ANGPT1: variants seen among roughly 807,000 people sequenced by gnomAD.
The protein encoded by ANGPT1 is angiopoietin-1.
A neutral mutation model predicts 62.2 loss-of-function variants in ANGPT1; 17 were observed. The ratio of observed to expected loss-of-function variants is 0.27; its 90% CI spans 0.19 to 0.41. The LOEUF (loss-of-function observed/expected upper bound fraction) is 0.41. Ranked by LOEUF, ANGPT1 falls within the 10% of genes least tolerant of loss-of-function variation. The pLI, the probability that ANGPT1 is intolerant of heterozygous loss-of-function variation, is 1.00. For synonymous variants in ANGPT1, 199 were observed against 198.9 expected, an observed-to-expected ratio of 1.00 and a Z score of 0.00; for missense variants, 478 against 594.9, an observed-to-expected ratio of 0.80 and a Z score of 2.04.
At chr8:107,351,657 A>G (rs1815935872) in intron 1 of ANGPT1, among the ~76,000 whole-genome samples, 1 of 152,056 alleles carries the variant, frequency 6.6e-6, no homozygotes, top group Non-Finnish European at 1.5e-5. Context: ...GTTTCACTAT[A>G]GTGGAGACCA....
At chr8:107,426,008 C>T (rs149875386) in intron 1 of ANGPT1, among the ~76,000 whole-genome samples, 1 of 152,238 alleles carries the variant, frequency 6.6e-6, no homozygotes, top group Admixed American at 6.5e-5. Flanking sequence ...AAATGCACCA[C>T]CAGGTATAAA....
chr8:107,435,054 C>T (rs1461615568), intron 1 of ANGPT1, among the ~76,000 whole-genome samples: 2 of 151,948 alleles, frequency 1.3e-5, no homozygotes, highest in Non-Finnish European at 2.9e-5. Flanking sequence ...CCGTTTCCCT[C>T]ATGATGGGGG....
chr8:107,295,920 G>A (rs1413605969), intron 5 of ANGPT1, among the ~76,000 whole-genome samples: 1 of 152,050 alleles, frequency 6.6e-6, no homozygotes, highest in Admixed American at 6.6e-5. Context: ...GTCCTAGTAG[G>A]ATGTAGGTAT....
intron 1 of ANGPT1, among the ~76,000 whole-genome samples, chr8:107,469,802 C>G (rs147171808): frequency 6.6e-6 from 1 of 151,976 alleles, no homozygotes; most frequent in Non-Finnish European, 1.5e-5. Context: ...TAAAATTGTA[C>G]TTCATAAGCT....
intron 3 of ANGPT1, among the ~76,000 whole-genome samples, chr8:107,330,847 T>C (rs943920403): frequency 6.6e-6 from 1 of 152,134 alleles, no homozygotes; most frequent in African/African-American, 2.4e-5. Context: ...CAGAATTGTA[T>C]TTCATGCCAA....
At chr8:107,285,619 A>C (rs535802866) in intron 6 of ANGPT1, among the ~76,000 whole-genome samples, 257 of 152,184 alleles carry the variant, frequency 1.7e-3, no homozygotes, top group Non-Finnish European at 2.9e-3. Flanking sequence ...GGGGAAGTCA[A>C]GGTTGTTAAG....
intron 6 of ANGPT1, among the ~76,000 whole-genome samples, chr8:107,287,968 A>G (rs1814182647): frequency 6.6e-6 from 1 of 152,198 alleles, no homozygotes; most frequent in Non-Finnish European, 1.5e-5. Flanking sequence ...GTCATAATAC[A>G]CAGTAATTTT....
At chr8:107,455,087 A>T (rs1255415360) in intron 1 of ANGPT1, among the ~76,000 whole-genome samples, 1 of 152,012 alleles carries the variant, frequency 6.6e-6, no homozygotes, top group Non-Finnish European at 1.5e-5. Context: ...ATGCTACCTT[A>T]CTTTGCAGTC....
chr8:107,423,187 T>C (rs1299346860), intron 1 of ANGPT1, among the ~76,000 whole-genome samples: 1 of 152,200 alleles, frequency 6.6e-6, no homozygotes, highest in East Asian at 1.9e-4. Flanking sequence ...ACTGACAGAC[T>C]ATAAATCAAG....
rs578206503 is a variant in ANGPT1, at chr8:107,432,612, C to T, written c.297+64650G>A. Among the ~76,000 whole-genome samples, 22 of 149,080 alleles carry T rather than the reference C, an allele frequency of 1.5e-4. No homozygotes were observed. In the Admixed American group the frequency reaches 1.5e-3, roughly 10 times the overall value. On this transcript the variant is annotated intron_variant, in intron 1 of 8. Coordinates refer to ENST00000517746, the MANE Select transcript of ANGPT1 (RefSeq NM_001146.5). ...CCGGGAGGCAGAGCTTGCAGTGAGC[C>T]GAGATCGAGCCACTGCACTCCAGCC...
In ANGPT1 at chr8:107,370,400, GAA is replaced by G. The variant is rs1554586989; in HGVS notation, c.298-23305_298-23304del. 3.0e-4 allele frequency among the ~76,000 whole-genome samples: 16 copies of G among 53,540 alleles called. 5 individuals are homozygous for G. The highest frequency in any genetic ancestry group is 1.4e-3 in the Admixed American group (5 of 3,514). The allele number at this position is 53,540 out of a possible 152,430, so 35.1% of individuals were successfully genotyped here. A position where few individuals can be genotyped will look rare whatever the true frequency, so the allele number is the denominator to read the frequency against. On this transcript the variant is annotated intron_variant, in intron 1 of 8. Transcript: ENST00000517746. ...AGAAAGAAAGAAAGAAAGAAAGAAA[GAA>G]AGAAAGAGTCAGGGTCAGTGGCTCA...
intron 1 of ANGPT1, among the ~76,000 whole-genome samples, chr8:107,433,305 A>G (rs994140236): frequency 5.3e-5 from 8 of 152,210 alleles, no homozygotes; most frequent in Non-Finnish European, 1.5e-5. Context: ...AGTAGCAGAT[A>G]CATATCAGGG....
intron 1 of ANGPT1, among the ~76,000 whole-genome samples, chr8:107,417,079 G>A (rs868392720): frequency 3.9e-5 from 6 of 152,198 alleles, no homozygotes; most frequent in Admixed American, 6.6e-5. Flanking sequence ...ATGAGCCACC[G>A]TGCCTGGAGA....
At chr8:107,428,664 G>T (rs1030586402) in intron 1 of ANGPT1, among the ~76,000 whole-genome samples, 8 of 149,476 alleles carry the variant, frequency 5.4e-5, no homozygotes, top group Non-Finnish European at 8.9e-5. Flanking sequence ...GTGTGTTTTC[G>T]AGTGCTATAA....
At chr8:107,302,532 T>C (rs1363472834) in intron 5 of ANGPT1, among the ~76,000 whole-genome samples, 1 of 151,962 alleles carries the variant, frequency 6.6e-6, no homozygotes, top group Non-Finnish European at 1.5e-5. Flanking sequence ...CACTAGAAAC[T>C]GTTTGCTCTA....
chr8:107,384,439 T>C (rs1248292794), intron 1 of ANGPT1, among the ~76,000 whole-genome samples: 1 of 118,406 alleles, frequency 8.4e-6, no homozygotes, highest in African/African-American at 2.9e-5. Context: ...ATGTATTATC[T>C]GTGTTAATTA....
Position 107,291,313 on chromosome 8 carries a change from A to ATTG in ANGPT1, c.1038+2620_1038+2622dup, listed in dbSNP as rs1468744880. Among the ~76,000 whole-genome samples the ATTG allele has an allele frequency of 3.3e-5, 5 of 152,302 alleles. No homozygotes were observed. The East Asian group carries it at 9.6e-4, about 29-fold the overall frequency. On this transcript the variant is annotated intron_variant, in intron 6 of 8. Transcript: ENST00000517746. ...ACTGTGAGGCAGGTGAAGTATTATC[A>ATTG]TTGTCCTATTTTAACTAGTTAGAAA...
chr8:107,493,015 G>C (rs1404242182), intron 1 of ANGPT1, among the ~76,000 whole-genome samples: 1 of 150,408 alleles, frequency 6.6e-6, no homozygotes. Context: ...AAGTAGCCTA[G>C]TGCTAACATT....
chr8:107,299,422 A>ACAT (rs1281291162), intron 5 of ANGPT1, among the ~76,000 whole-genome samples: 81 of 116,140 alleles, frequency 7.0e-4, no homozygotes, highest in Non-Finnish European at 1.2e-3. Flanking sequence ...TATATATATA[A>ACAT]ACATACATAT....
Sources: allele counts gnomAD v4.1 joint callset (sites outside exome capture counted in the v4.1 genomes callset), GRCh38; gene constraint gnomAD v4.1.1; transcripts MANE v1.5; gene names NCBI Gene and HGNC (gene_info 2026-07-23, HGNC 2026-07-21).